The following TMEM163 variants were observed in gnomAD, a reference collection of about 807,000 sequenced individuals.
The protein encoded by TMEM163 is transmembrane protein 163.
Under a neutral mutation model 29.3 loss-of-function variants are expected in TMEM163, and 17 were observed. That is an observed-to-expected ratio of 0.58 (90% CI 0.40 to 0.87). TMEM163 has a LOEUF of 0.87. Among genes scored for constraint, TMEM163 ranks in the 40% least tolerant of loss-of-function variants. TMEM163 has a pLI of 0.00. For missense variants in TMEM163, 303 were observed against 381.5 expected (o/e 0.79, Z 1.71); for synonymous variants, 157 against 160.6 (o/e 0.98, Z 0.17).
intron 1 of TMEM163, 145 bp downstream of exon 1, chr2:134,718,589 A>C: frequency 4.0e-6 from 2 of 500,024 alleles, no homozygotes; most frequent in Non-Finnish European, 5.5e-6. Context: ...GCTCTCGGCT[A>C]GCGGCGTTCT....
At chr2:134,532,493 A>G (rs1461419773) in intron 4 of TMEM163, among the ~76,000 whole-genome samples, 1 of 152,222 alleles carries the variant, frequency 6.6e-6, no homozygotes, top group African/African-American at 2.4e-5. Flanking sequence ...TTTGCTTTTG[A>G]TAGGATATGA....
chr2:134,596,792 G>A (rs1393135909), intron 2 of TMEM163, among the ~76,000 whole-genome samples: 1 of 152,062 alleles, frequency 6.6e-6, no homozygotes, highest in Admixed American at 6.6e-5. Flanking sequence ...ATTTCGTTGA[G>A]CAGTGGTTTG....
intron 4 of TMEM163, among the ~76,000 whole-genome samples, chr2:134,548,724 A>G (rs1680843005): frequency 6.6e-6 from 1 of 152,220 alleles, no homozygotes; most frequent in Non-Finnish European, 1.5e-5. Flanking sequence ...AATGAGATAT[A>G]TTGGGGATGG....
At chr2:134,569,573 C>T (rs1470460651) in intron 2 of TMEM163, among the ~76,000 whole-genome samples, 1 of 152,178 alleles carries the variant, frequency 6.6e-6, no homozygotes, top group Non-Finnish European at 1.5e-5. Context: ...GTCACATCCC[C>T]AGTCCCTGGC....
chr2:134,481,264 T>G (rs1679167880), intron 5 of TMEM163, among the ~76,000 whole-genome samples: 1 of 151,986 alleles, frequency 6.6e-6, no homozygotes, highest in Non-Finnish European at 1.5e-5. Flanking sequence ...ATGCTTCCCA[T>G]CGACACCAGG....
At chr2:134,688,819 C>T (rs1283430933) in intron 2 of TMEM163, among the ~76,000 whole-genome samples, 2 of 152,140 alleles carry the variant, frequency 1.3e-5, no homozygotes, top group African/African-American at 4.8e-5. Context: ...TGCTACCACA[C>T]ACGCACACTC....
chr2:134,461,443 A>C (rs77977440), intron 6 of TMEM163, among the ~76,000 whole-genome samples: 3,680 of 152,234 alleles, frequency 0.024, 142 homozygotes, highest in African/African-American at 0.083. Context: ...TGTAGGACTG[A>C]AGCTGTGCCC....
At chr2:134,690,221 G>A (rs1217124495) in intron 2 of TMEM163, among the ~76,000 whole-genome samples, 4 of 151,400 alleles carry the variant, frequency 2.6e-5, no homozygotes, top group African/African-American at 7.3e-5. Flanking sequence ...GTGAGCCACC[G>A]TACCCGGCCT....
At chr2:134,570,017 C>G (rs1213158105) in intron 2 of TMEM163, among the ~76,000 whole-genome samples, 7 of 152,160 alleles carry the variant, frequency 4.6e-5, no homozygotes, top group Non-Finnish European at 7.3e-5. Flanking sequence ...CATGGTATCT[C>G]AGTGCTTGTG....
chr2:134,663,531 C>T (rs1683802610), intron 2 of TMEM163, among the ~76,000 whole-genome samples: 1 of 152,218 alleles, frequency 6.6e-6, no homozygotes, highest in Non-Finnish European at 1.5e-5. Flanking sequence ...GAGCCATGAT[C>T]ACATGCTCTA....
At chr2:134,631,884 T>G (rs1183560922) in intron 2 of TMEM163, among the ~76,000 whole-genome samples, 3 of 152,222 alleles carry the variant, frequency 2.0e-5, no homozygotes, top group African/African-American at 4.8e-5. Flanking sequence ...TATTAAGCAT[T>G]TCTTAGGCAT....
chr2:134,608,913 G>A (rs1682425293), intron 2 of TMEM163, among the ~76,000 whole-genome samples: 1 of 65,380 alleles, frequency 1.5e-5, no homozygotes, highest in Admixed American at 1.3e-4. Flanking sequence ...GACAGACCCC[G>A]AGAACTGTGC....
chr2:134,490,052 G>A (rs1178517616), intron 5 of TMEM163, among the ~76,000 whole-genome samples: 1 of 152,194 alleles, frequency 6.6e-6, no homozygotes, highest in Non-Finnish European at 1.5e-5. Context: ...CCTATATTAG[G>A]TGCTTTGCTG....
At chr2:134,621,870 G>A (rs977582233) in intron 2 of TMEM163, among the ~76,000 whole-genome samples, 1 of 151,750 alleles carries the variant, frequency 6.6e-6, no homozygotes, top group African/African-American at 2.4e-5. Flanking sequence ...CAGCCAGGGC[G>A]ACAGAGTGAG....
At chr2:134,658,070 T>C (rs1683662204) in intron 2 of TMEM163, among the ~76,000 whole-genome samples, 2 of 152,118 alleles carry the variant, frequency 1.3e-5, no homozygotes, top group African/African-American at 4.8e-5. Context: ...CAGGAAGAAA[T>C]GAGTATCGAC....
At chr2:134,598,331 C>T (rs1220748112) in intron 2 of TMEM163, among the ~76,000 whole-genome samples, 1 of 152,172 alleles carries the variant, frequency 6.6e-6, no homozygotes, top group African/African-American at 2.4e-5. Flanking sequence ...AATACACTTA[C>T]AAACACTAAA....
intron 4 of TMEM163, among the ~76,000 whole-genome samples, chr2:134,534,568 A>T (rs1387240280): frequency 6.6e-6 from 1 of 152,130 alleles, no homozygotes; most frequent in Non-Finnish European, 1.5e-5. Context: ...CCTGACCAAC[A>T]TGGTGAAACA....
At chr2:134,670,883 T>A (rs1278516406) in intron 2 of TMEM163, among the ~76,000 whole-genome samples, 1 of 152,228 alleles carries the variant, frequency 6.6e-6, no homozygotes, top group Non-Finnish European at 1.5e-5. Context: ...AGTGCTTGCA[T>A]AAACAAAATG....
intron 2 of TMEM163, among the ~76,000 whole-genome samples, chr2:134,606,835 A>G (rs1682380391): frequency 6.6e-6 from 1 of 152,262 alleles, no homozygotes. Flanking sequence ...TGGATTTGGT[A>G]AACTTTCGTT....
Sources: gnomAD v4.1 joint callset for allele counts (sites outside exome capture counted in the v4.1 genomes callset) on GRCh38, gnomAD v4.1.1 for gene constraint, MANE v1.5 for transcripts, NCBI Gene and HGNC (gene_info 2026-07-23, HGNC 2026-07-21) for gene names.